The following FSTL4 variants were observed in gnomAD, a reference collection of about 807,000 sequenced individuals.
The protein encoded by FSTL4 is follistatin-related protein 4.
A neutral mutation model predicts 78.2 loss-of-function variants in FSTL4; 28 were observed. That is an observed-to-expected ratio of 0.36 (90% CI 0.27 to 0.49). The LOEUF (loss-of-function observed/expected upper bound fraction) is 0.49. FSTL4 is among the 20% of genes least tolerant of loss of function. The probability of loss-of-function intolerance (pLI) is 0.98; values close to 1 mark genes in which losing one functional copy is unlikely to be tolerated. For missense variants in FSTL4, 922 were observed against 1,084.9 expected (o/e 0.85, Z 2.11); for synonymous variants, 422 against 440.5 (o/e 0.96, Z 0.53).
At chr5:133,533,315 C>G (rs1056762812) in intron 3 of FSTL4, among the ~76,000 whole-genome samples, 1 of 152,180 alleles carries the variant, frequency 6.6e-6, no homozygotes, top group African/African-American at 2.4e-5. Context: ...GTGATCTCTG[C>G]TCACTATAGC....
chr5:133,780,074 C>G, the FSTL4 span, among the ~76,000 whole-genome samples: 20 of 152,250 alleles, frequency 1.3e-4, no homozygotes, highest in African/African-American at 4.8e-4. Context: ...CAAGAGGGCT[C>G]GCAGGTGCAC....
At chr5:133,683,832 G>A in the FSTL4 span, among the ~76,000 whole-genome samples, 1 of 152,200 alleles carries the variant, frequency 6.6e-6, no homozygotes, top group Admixed American at 6.5e-5. Flanking sequence ...TTCAGAACTG[G>A]ACTTGGGCTG....
chr5:133,775,360 G>A, the FSTL4 span, among the ~76,000 whole-genome samples: 1 of 152,128 alleles, frequency 6.6e-6, no homozygotes, highest in Non-Finnish European at 1.5e-5. Context: ...AGTAAGCCCT[G>A]GCAAAGACCA....
At chr5:133,351,496 G>A (rs999026602) in intron 4 of FSTL4, among the ~76,000 whole-genome samples, 3 of 151,958 alleles carry the variant, frequency 2.0e-5, no homozygotes, top group African/African-American at 7.2e-5. Flanking sequence ...CCATATCTTA[G>A]CTGCTGTTTT....
Position 133,315,384 on chromosome 5 carries a change from C to T in FSTL4, c.603+1075G>A, listed in dbSNP as rs368140856. Among the ~76,000 whole-genome samples, 267 of 152,304 alleles carry T rather than the reference C, an allele frequency of 1.8e-3. 1 individual carries two copies. Among genetic ancestry groups the T allele is most frequent in the African/African-American group, 5.2e-3 (217 of 41,560 alleles). ...TCTTTGCCACTATCCTACATAACAA[C>T]GAACTCTTCTGTGTTTATTAATCAT... On this transcript the variant is annotated intron_variant, in intron 5 of 15. Transcript: ENST00000265342.
Position 133,199,719 on chromosome 5 carries a change from G to A in FSTL4, c.1905C>T (p.Ile635=), listed in dbSNP as rs1305209897. Residue 635 remains isoleucine (I), a synonymous_variant, in exon 16 of 16, where the codon ATC becomes ATT. Transcript: ENST00000265342. The surrounding 1 kb of genome is among the most constrained non-coding windows in gnomAD (Gnocchi z 4.4). ...DLETMMPLKT[I]GLHHHGCVPQ... ...GCACGCAGCCATGGTGGTGCAGGCC[G>A]ATGGTCTTGAGGGGCATCATTGTTT... The A allele has an allele frequency of 8.1e-6, 13 of 1,610,692 alleles. No individual in the cohort carries two copies. The highest frequency in any genetic ancestry group is 5.5e-5 in the South Asian group (5 of 90,596).
At chr5:133,256,166 G>A (rs77054484) in intron 6 of FSTL4, among the ~76,000 whole-genome samples, 1 of 152,156 alleles carries the variant, frequency 6.6e-6, no homozygotes, top group Non-Finnish European at 1.5e-5. Context: ...TCAGGCTCAG[G>A]GGCCTGCTTG....
At chr5:133,756,943 C>T in the FSTL4 span, among the ~76,000 whole-genome samples, 1 of 152,284 alleles carries the variant, frequency 6.6e-6, no homozygotes, top group East Asian at 1.9e-4. Context: ...GTCAGCTCAC[C>T]CCGCCCCAGA....
chr5:133,556,121 T>G (rs1282746311), intron 3 of FSTL4, among the ~76,000 whole-genome samples: 1 of 152,178 alleles, frequency 6.6e-6, no homozygotes, highest in African/African-American at 2.4e-5. Context: ...TCCACATTTT[T>G]GAATACGAAT....
At chr5:133,781,051 T>C in the FSTL4 span, among the ~76,000 whole-genome samples, 1 of 152,192 alleles carries the variant, frequency 6.6e-6, no homozygotes, top group Non-Finnish European at 1.5e-5. Flanking sequence ...ACGGGCAGCA[T>C]GCACAGATGC....
chr5:133,710,374 T>C, the FSTL4 span, among the ~76,000 whole-genome samples: 1 of 152,152 alleles, frequency 6.6e-6, no homozygotes, highest in Non-Finnish European at 1.5e-5. Flanking sequence ...AAATGTCCCA[T>C]TTGCCAGGGA....
intron 3 of FSTL4, among the ~76,000 whole-genome samples, chr5:133,533,912 C>T (rs1474141788): frequency 6.6e-6 from 1 of 152,114 alleles, no homozygotes; most frequent in East Asian, 1.9e-4. Flanking sequence ...GCTCCTGCTG[C>T]AGTGCTCCTC....
chr5:133,782,562 T>G, the FSTL4 span, among the ~76,000 whole-genome samples: 1 of 152,226 alleles, frequency 6.6e-6, no homozygotes, highest in African/African-American at 2.4e-5. Flanking sequence ...TGCTTCCCTG[T>G]GATCTTTCTT....
In FSTL4 at chr5:133,337,319, G is replaced by A. The variant is rs114642006; in HGVS notation, c.410-20667C>T. Among the ~76,000 whole-genome samples, 832 of 152,232 alleles carry A rather than the reference G, an allele frequency of 5.5e-3. 9 individuals are homozygous for A. The highest frequency in any genetic ancestry group is 0.019 in the African/African-American group (783 of 41,556). ...AAGGTACATTTTCCAACTAGGAAGCGGGCTGTTAAGCGTCCTCTGCAACGG... is the reference window on the plus strand; with the variant it reads ...AAGGTACATTTTCCAACTAGGAAGCAGGCTGTTAAGCGTCCTCTGCAACGG... On this transcript the variant is annotated intron_variant, in intron 4 of 15. Transcript: ENST00000265342.
intron 13 of FSTL4, among the ~76,000 whole-genome samples, chr5:133,215,718 CT>C (rs1029561019): frequency 6.6e-5 from 10 of 152,186 alleles, no homozygotes; most frequent in African/African-American, 2.2e-4. Flanking sequence ...ACCAGCACTC[CT>C]TCTAGAGGTT....
chr5:133,213,793 T>C (rs1245284901), intron 13 of FSTL4, among the ~76,000 whole-genome samples: 1 of 152,160 alleles, frequency 6.6e-6, no homozygotes, highest in Non-Finnish European at 1.5e-5. Context: ...ATGTATCAAA[T>C]ACTCCAAGTA....
chr5:133,554,602 A>T (rs530857480), intron 3 of FSTL4, among the ~76,000 whole-genome samples: 1 of 152,202 alleles, frequency 6.6e-6, no homozygotes, highest in Non-Finnish European at 1.5e-5. Context: ...TCCTAAACAG[A>T]CAGACAGTGC....
At chr5:133,223,294 T>C (rs1204234740) in intron 11 of FSTL4, among the ~76,000 whole-genome samples, 1 of 152,244 alleles carries the variant, frequency 6.6e-6, no homozygotes, top group Non-Finnish European at 1.5e-5. Flanking sequence ...TCAGCTTTAG[T>C]TCCTGACGTT....
chr5:133,615,487 A>G (rs947991420), upstream of FSTL4, among the ~76,000 whole-genome samples: 2 of 152,130 alleles, frequency 1.3e-5, no homozygotes, highest in Non-Finnish European at 2.9e-5. Flanking sequence ...TTTTCTCTTA[A>G]GTGGGAATTG....
Sources: gnomAD v4.1 joint callset for allele counts (sites outside exome capture counted in the v4.1 genomes callset) on GRCh38, gnomAD v4.1.1 for gene constraint, Gnocchi (gnomAD v3.1) non-coding constraint, MANE v1.5 for transcripts, NCBI Gene and HGNC (gene_info 2026-07-23, HGNC 2026-07-21) for gene names.